Variants in ZRANB3 observed in about 807,000 individuals in gnomAD.
ZRANB3 encodes the protein DNA annealing helicase and endonuclease ZRANB3.
ZRANB3 carries 125 observed loss-of-function variants against 133.8 expected under a neutral mutation model. The ratio of observed to expected loss-of-function variants is 0.93; its 90% CI spans 0.81 to 1.08. The LOEUF (loss-of-function observed/expected upper bound fraction) is 1.08. ZRANB3 is among the 50% of genes least tolerant of loss of function. The probability of loss-of-function intolerance (pLI) is 0.00; values close to 1 mark genes in which losing one functional copy is unlikely to be tolerated. For missense variants in ZRANB3, 1,229 were observed against 1,275.5 expected (o/e 0.96, Z 0.56); for synonymous variants, 387 against 432.7 (o/e 0.89, Z 1.31).
Position 135,415,009 on chromosome 2 carries a change from C to T in ZRANB3, c.162-24189G>A, listed in dbSNP as rs533660211. ...TGCCCACAAGAGAAAGCAGGAAAGA[C>T]CCAAAATTGACACCCTAACATCACA... On this transcript the variant is annotated intron_variant, in intron 2 of 20. Coordinates refer to ENST00000264159, the MANE Select transcript of ZRANB3 (RefSeq NM_032143.4). Among the ~76,000 whole-genome samples, 1,112 of 151,288 alleles carry T rather than the reference C, an allele frequency of 7.4e-3. 12 individuals carry two copies. Among genetic ancestry groups the T allele is most frequent in the African/African-American group, 0.026 (1,061 of 41,282 alleles).
chr2:135,290,861 G>A (rs1681671199), intron 8 of ZRANB3, among the ~76,000 whole-genome samples: 1 of 152,140 alleles, frequency 6.6e-6, no homozygotes, highest in South Asian at 2.1e-4. Context: ...GGCCAGGGAT[G>A]GTTTCCTTGA....
At chr2:135,305,046 G>A (rs1259636833) in intron 8 of ZRANB3, among the ~76,000 whole-genome samples, 3 of 151,820 alleles carry the variant, frequency 2.0e-5, no homozygotes, top group South Asian at 2.1e-4. Flanking sequence ...GTGCGATCTC[G>A]GCTCACTGAA....
At chr2:135,421,637 C>T (rs1688847005) in intron 2 of ZRANB3, among the ~76,000 whole-genome samples, 1 of 152,020 alleles carries the variant, frequency 6.6e-6, no homozygotes, top group African/African-American at 2.4e-5. Context: ...CTTTTCTTTG[C>T]TACCAAAATT....
intron 2 of ZRANB3, among the ~76,000 whole-genome samples, chr2:135,422,584 A>G (rs1369516936): frequency 6.6e-6 from 1 of 152,182 alleles, no homozygotes; most frequent in Non-Finnish European, 1.5e-5. Context: ...GAACACTTGA[A>G]AAGCGCCTTA....
chr2:135,331,866 GACTTTT>G (rs1448000750), intron 6 of ZRANB3, among the ~76,000 whole-genome samples: 2 of 150,908 alleles, frequency 1.3e-5, no homozygotes, highest in Admixed American at 6.6e-5. Flanking sequence ...GACACTAGGA[GACTTTT>G]ACTTTTTTAA....
intron 1 of ZRANB3, among the ~76,000 whole-genome samples, chr2:135,522,368 C>G (rs935901048): frequency 1.3e-5 from 2 of 152,200 alleles, no homozygotes; most frequent in African/African-American, 4.8e-5. Context: ...GCTCCAGTCC[C>G]CTGGACTCGC....
At chr2:135,259,381 T>C (rs1679829964) in intron 12 of ZRANB3, among the ~76,000 whole-genome samples, 1 of 151,982 alleles carries the variant, frequency 6.6e-6, no homozygotes, top group Non-Finnish European at 1.5e-5. Context: ...ACATACAATC[T>C]TTTGCAGCAG....
At chr2:135,356,689 C>G (rs946415896) in intron 3 of ZRANB3, among the ~76,000 whole-genome samples, 4 of 152,012 alleles carry the variant, frequency 2.6e-5, no homozygotes, top group Admixed American at 2.0e-4. Context: ...TGTTTTTGTT[C>G]TAACATGTTA....
At chr2:135,478,389 C>T (rs571281187) in intron 2 of ZRANB3, among the ~76,000 whole-genome samples, 1 of 152,090 alleles carries the variant, frequency 6.6e-6, no homozygotes, top group Non-Finnish European at 1.5e-5. Context: ...TCAGCACCCC[C>T]CCGAAGCCTC....
At chr2:135,287,712 G>A (rs2104789749) in intron 8 of ZRANB3, among the ~76,000 whole-genome samples, 1 of 130,148 alleles carries the variant, frequency 7.7e-6, no homozygotes, top group Admixed American at 8.6e-5. Context: ...AAGAGCTTGA[G>A]TTCTTGACTT....
intron 2 of ZRANB3, among the ~76,000 whole-genome samples, chr2:135,477,403 G>A (rs915720414): frequency 6.6e-6 from 1 of 152,204 alleles, no homozygotes; most frequent in African/African-American, 2.4e-5. Context: ...AATGGAGTTT[G>A]ATCAATGGAG....
In ZRANB3 at chr2:135,313,471, T is replaced by C. The variant is rs746956215; in HGVS notation, c.966+18A>G. 1 of 1,509,702 alleles carries C rather than the reference T, an allele frequency of 6.6e-7. No homozygotes were observed. The highest frequency in any genetic ancestry group is 9.2e-7 in the Non-Finnish European group (1 of 1,091,768). 93.5% of individuals were successfully genotyped at this position (1,509,702 alleles called of 1,614,324 possible). On this transcript the variant is annotated intron_variant, in intron 8 of 20. Transcript: ENST00000264159. The stretch of plus-strand genomic sequence containing the variant: ...AATTTGTATGAAGACAAATACATGA[T>C]GGCCCAGCAAAGAGTACCTTGGCAA...
Position 135,207,634 on chromosome 2 carries a change from A to T in ZRANB3, c.2809T>A (p.Ser937Thr), listed in dbSNP as rs181667799. 1.8e-5 allele frequency: 29 copies of T among 1,614,024 alleles called. 1 individual carries two copies. The highest frequency in any genetic ancestry group is 8.5e-7 in the Non-Finnish European group (1 of 1,179,890). Residue 937 changes from serine to threonine, a missense_variant, in exon 19 of 21, where the codon TCT (serine) becomes ACT (threonine). Transcript: ENST00000264159. The part of the protein sequence containing the change: ...KANSWDSRFC[S>T]LKCQEEFWIR... ...CAAAACTCTTCCTGACATTTCAGAG[A>T]GCAAAACCGTGAATCCCAAGAGTTC...
At chr2:135,455,171 CTTTTTTTTTTTTTTTTTTTTTTTT>C (rs1166170814) in intron 2 of ZRANB3, among the ~76,000 whole-genome samples, 2 of 37,558 alleles carry the variant, frequency 5.3e-5, no homozygotes, top group Non-Finnish European at 9.7e-5. Flanking sequence ...CCTTCTTATA[CTTTTTTTTTTTTTTTTTTTTTTTT>C]TTTTTTTTTT....
At chr2:135,271,580 A>C (rs1208568730) in intron 10 of ZRANB3, among the ~76,000 whole-genome samples, 188 bp downstream of exon 10, 1 of 152,168 alleles carries the variant, frequency 6.6e-6, no homozygotes, top group Non-Finnish European at 1.5e-5. Flanking sequence ...AATTTAGGAG[A>C]TCTGTGTCAA....
At chr2:135,433,460 T>C (rs1689402701) in intron 2 of ZRANB3, among the ~76,000 whole-genome samples, 2 of 152,110 alleles carry the variant, frequency 1.3e-5, no homozygotes, top group Admixed American at 6.5e-5. Context: ...ATAGGACACA[T>C]AGACTTACTC....
At chr2:135,271,164 T>C (rs1573800228) in intron 10 of ZRANB3, 1 of 314,264 alleles carries the variant, frequency 3.2e-6, no homozygotes, top group East Asian at 8.4e-5. Flanking sequence ...TTGCTAAGAG[T>C]GGTAAAGCAG....
In ZRANB3 at chr2:135,207,582, C is replaced by G; in HGVS notation, c.2861G>C (p.Arg954Thr). The G allele has an allele frequency of 6.8e-6, 11 of 1,614,018 alleles. No individual in the cohort carries two copies. Among genetic ancestry groups the G allele is most frequent in the Non-Finnish European group, 9.3e-6 (11 of 1,179,888 alleles). ...FWIRSNNSYL[R>T]AKVFETEHGV... ...ATGTTCAGTTTCAAATACTTTGGCT[C>G]TCAGGTAACTGTTATTAGATCGAAT... is the stretch of plus-strand genomic sequence containing the variant. Residue 954 changes from arginine to threonine, a missense_variant, in exon 19 of 21, where the codon AGA becomes ACA. Physicochemically the swap from Arg to Thr is moderately conservative, Grantham distance 71 (BLOSUM62 -1). Transcript: ENST00000264159.
chr2:135,323,259 T>A (rs1384514622), intron 6 of ZRANB3, among the ~76,000 whole-genome samples: 1 of 152,230 alleles, frequency 6.6e-6, no homozygotes, highest in African/African-American at 2.4e-5. Flanking sequence ...TACAACACTC[T>A]GTTCTTATAT....
Sources: allele counts gnomAD v4.1 joint callset (sites outside exome capture counted in the v4.1 genomes callset), GRCh38; gene constraint gnomAD v4.1.1; transcripts MANE v1.5; gene names NCBI Gene and HGNC (gene_info 2026-07-23, HGNC 2026-07-21).